The following TECPR2 variants were observed in gnomAD, a reference collection of about 807,000 sequenced individuals.
The protein encoded by TECPR2 is tectonin beta-propeller repeat-containing protein 2.
Under a neutral mutation model 138.1 loss-of-function variants are expected in TECPR2, and 65 were observed. That is an observed-to-expected ratio of 0.47 (90% CI 0.39 to 0.58). TECPR2 has a LOEUF of 0.58. TECPR2 is among the 20% of genes least tolerant of loss of function. The pLI is 0.00. For missense variants in TECPR2, 1,553 were observed against 1,824.5 expected (o/e 0.85, Z 2.71); for synonymous variants, 746 against 749.8 (o/e 0.99, Z 0.08).
chr14:102,399,765 A>G (rs992291387), intron 2 of TECPR2, among the ~76,000 whole-genome samples: 3 of 151,606 alleles, frequency 2.0e-5, no homozygotes, highest in African/African-American at 7.3e-5. Context: ...CAGGAGGTGG[A>G]GGTTGTAGCG....
intron 16 of TECPR2, among the ~76,000 whole-genome samples, chr14:102,460,472 GGT>G (rs1473852712): frequency 6.6e-6 from 1 of 151,500 alleles, no homozygotes; most frequent in Non-Finnish European, 1.5e-5. Context: ...AAATTAGCCA[GGT>G]GTGGTGGCAC....
At chr14:102,450,425 T>C in intron 14 of TECPR2, 135 bp from the exon 15 acceptor site, 1 of 791,286 alleles carries the variant, frequency 1.3e-6, no homozygotes, top group Non-Finnish European at 2.1e-6. Context: ...ATTGCTCATG[T>C]CGCTTTATTT....
chr14:102,407,559 T>C, intron 3 of TECPR2, 93 bp downstream of exon 3: 1 of 1,464,286 alleles, frequency 6.8e-7, no homozygotes, highest in Non-Finnish European at 9.1e-7. Flanking sequence ...AGAAAGTTTA[T>C]GCTCAGAGAA....
At chr14:102,395,344 A>G (rs1888287961) in intron 2 of TECPR2, among the ~76,000 whole-genome samples, 1 of 152,220 alleles carries the variant, frequency 6.6e-6, no homozygotes, top group African/African-American at 2.4e-5. Context: ...AAATTACTCT[A>G]TTGAAGATTA....
chr14:102,437,469 G>C (rs1889698753), intron 9 of TECPR2, among the ~76,000 whole-genome samples: 1 of 152,050 alleles, frequency 6.6e-6, no homozygotes, highest in Admixed American at 6.6e-5. Flanking sequence ...ATTGCGACTT[G>C]CTTGAACCCA....
At chr14:102,452,802 G>C (rs1164157889) in intron 16 of TECPR2, among the ~76,000 whole-genome samples, 175 bp downstream of exon 16, 3 of 152,180 alleles carry the variant, frequency 2.0e-5, no homozygotes, top group South Asian at 4.1e-4. Context: ...GACTAGACAG[G>C]CTCTGGGTTT....
In TECPR2 at chr14:102,497,124, G is replaced by A; in HGVS notation, c.3931+4G>A. ...ACCGCCTGGGAGCATGTGCCAGGTAGGAGCCTGCAGACAGGGCCTGTGGTG... is the reference window on the plus strand; with the variant it reads ...ACCGCCTGGGAGCATGTGCCAGGTAAGAGCCTGCAGACAGGGCCTGTGGTG... On this transcript the variant is annotated splice_donor_region_variant and intron_variant, in intron 18 of 19. Coordinates refer to ENST00000359520, the MANE Select transcript of TECPR2 (RefSeq NM_014844.5). 1 of 1,609,594 alleles carries A rather than the reference G, an allele frequency of 6.2e-7. No homozygotes were observed. Among genetic ancestry groups the A allele is most frequent in the South Asian group, 1.1e-5 (1 of 91,038 alleles).
chr14:102,489,795 T>C (rs2139795778), intron 17 of TECPR2, among the ~76,000 whole-genome samples: 1 of 151,772 alleles, frequency 6.6e-6, no homozygotes, highest in East Asian at 1.9e-4. Context: ...GTTTTGTCTG[T>C]TTAAATGAGG....
intron 17 of TECPR2, among the ~76,000 whole-genome samples, chr14:102,483,168 C>T (rs1890932780): frequency 6.6e-6 from 1 of 152,020 alleles, no homozygotes; most frequent in Non-Finnish European, 1.5e-5. Flanking sequence ...CGTTCTAACA[C>T]CTGATCCTTG....
chr14:102,434,674 C>A lies in TECPR2; in HGVS notation c.1857C>A (p.Asp619Glu), dbSNP rs1342187319. The A allele has an allele frequency of 6.2e-7, 1 of 1,611,352 alleles. No homozygotes were observed. Among genetic ancestry groups the A allele is most frequent in the African/African-American group, 1.3e-5 (1 of 74,892 alleles). Residue 619 changes from aspartate (D) to glutamate (E), a missense_variant, in exon 9 of 20, where the codon GAC (aspartate) becomes GAA (glutamate). Physicochemically the swap from Asp to Glu is conservative, Grantham distance 45. Transcript: ENST00000359520. ...CACAGTTACCCTTCCAAGAACAGGA[C>A]AGCTCTCCTGGGGCGCATGATGGGG... ...NSTQLPFQEQDSSPGAHDGED... is the reference protein window; with the variant it reads ...NSTQLPFQEQESSPGAHDGED...
At chr14:102,380,510 G>C (rs961222825) in intron 2 of TECPR2, among the ~76,000 whole-genome samples, 13 of 152,196 alleles carry the variant, frequency 8.5e-5, no homozygotes, top group Non-Finnish European at 1.9e-4. Context: ...ACTGTCACAA[G>C]AACAGGAGGG....
chr14:102,437,328 C>T (rs1490791154), intron 9 of TECPR2, among the ~76,000 whole-genome samples: 4 of 152,222 alleles, frequency 2.6e-5, no homozygotes, highest in Non-Finnish European at 5.9e-5. Flanking sequence ...GGGCGAATCA[C>T]CTGAGGTCAG....
rs944411168 is a variant in TECPR2 at position 102,500,624 on chromosome 14, G to A, written c.*2367G>A. On this transcript the variant is annotated 3_prime_UTR_variant, in exon 20 of 20. Coordinates refer to ENST00000359520, the MANE Select transcript of TECPR2 (RefSeq NM_014844.5). ...CTCAGCAAGAAACCTCAGGCCGTGT[G>A]AAGAGCAGCAAAGCTTTCCAGAAGG... 2 of 152,300 alleles carry A rather than the reference G, an allele frequency of 1.3e-5. No homozygotes were observed. The highest frequency in any genetic ancestry group is 2.9e-5 in the Non-Finnish European group (2 of 68,074). The allele number at this position is 152,300 out of a possible 1,614,324, so 9.4% of individuals were successfully genotyped here.
rs1419035984 is a variant in TECPR2 at position 102,444,031 on chromosome 14, G to A, written c.2933+204G>A. Among the ~76,000 whole-genome samples the A allele has an allele frequency of 3.3e-5, 5 of 152,142 alleles. No individual in the cohort carries two copies. In the East Asian group the frequency reaches 9.7e-4, roughly 29 times the overall value. On this transcript the variant is annotated intron_variant, in intron 12 of 19. Coordinates refer to ENST00000359520, the MANE Select transcript of TECPR2 (RefSeq NM_014844.5). ...GAGCTCGCTTTTTAAAAATGCTGCC[G>A]CCCTCTGCGCAGCCCTGAGCATCAC...
In TECPR2 at chr14:102,493,650, C is replaced by T. The variant is rs148381177; in HGVS notation, c.3790-3329C>T. On this transcript the variant is annotated intron_variant, in intron 17 of 19. Coordinates refer to ENST00000359520, the MANE Select transcript of TECPR2 (RefSeq NM_014844.5). ...TAGCGGTGGGGACTTGCCTTGAGTG[C>T]GCTCCAGGTGGTCCCTGGGGACTCG... Among the ~76,000 whole-genome samples, 495 of 152,314 alleles carry T rather than the reference C, an allele frequency of 3.2e-3. 2 individuals carry two copies. The highest frequency in any genetic ancestry group is 0.01 in the African/African-American group (430 of 41,568).
Position 102,498,680 on chromosome 14 carries a change from G to T in TECPR2, c.*423G>T. ...AGCCCCAGGGCCAGATGGAGCCAAA[G>T]GTCAGCTCTCTGCAGCGCGGGATGT... is the stretch of plus-strand genomic sequence containing the variant. On this transcript the variant is annotated 3_prime_UTR_variant, in exon 20 of 20. Transcript: ENST00000359520. 2.5e-6 allele frequency: 1 copy of T among 405,392 alleles called. No individual in the cohort carries two copies. Among genetic ancestry groups the T allele is most frequent in the Non-Finnish European group, 4.8e-6 (1 of 210,012 alleles). 25.1% of individuals were successfully genotyped at this position (405,392 alleles called of 1,614,324 possible).
intron 2 of TECPR2, among the ~76,000 whole-genome samples, chr14:102,394,313 A>T (rs1386004640): frequency 2.6e-5 from 4 of 152,160 alleles, no homozygotes; most frequent in Non-Finnish European, 5.9e-5. Flanking sequence ...TTGTAACCTT[A>T]GACAAATTAC....
chr14:102,376,244 T>TGAA (rs897620286), intron 1 of TECPR2, among the ~76,000 whole-genome samples: 20 of 152,186 alleles, frequency 1.3e-4, no homozygotes, highest in African/African-American at 4.8e-4. Flanking sequence ...ATGTGTTCAG[T>TGAA]GAAGCCATGT....
intron 16 of TECPR2, among the ~76,000 whole-genome samples, chr14:102,453,163 G>T (rs1023307251): frequency 6.6e-6 from 1 of 152,154 alleles, no homozygotes; most frequent in African/African-American, 2.4e-5. Context: ...AAAAGCCGTG[G>T]AGTAGGCTAA....
Sources: allele counts gnomAD v4.1 joint callset (sites outside exome capture counted in the v4.1 genomes callset), GRCh38; gene constraint gnomAD v4.1.1; transcripts MANE v1.5; gene names NCBI Gene and HGNC (gene_info 2026-07-23, HGNC 2026-07-21).